The following BAG1 variants were observed in gnomAD, a reference collection of about 807,000 sequenced individuals.
BAG1 encodes the protein BAG cochaperone 1.
Under a neutral mutation model 35.5 loss-of-function variants are expected in BAG1, and 35 were observed. The observed-to-expected ratio is 0.99, with a 90% CI of 0.75 to 1.31. The LOEUF (loss-of-function observed/expected upper bound fraction) is 1.31, where lower values mean the gene tolerates loss of function less well. BAG1 is among the 50% of genes most tolerant of loss of function. The pLI is 0.00. For synonymous variants in BAG1, 191 were observed against 178.9 expected (o/e 1.07, Z -0.54); for missense variants, 464 against 453.6 (o/e 1.02, Z -0.21).
chr9:33,256,065 GAT>G lies in BAG1; in HGVS notation c.886-140_886-139del. The G allele has an allele frequency of 3.9e-6, 3 of 766,446 alleles. 1 individual carries two copies. In the South Asian group the frequency reaches 4.8e-5, roughly 12 times the overall value. The allele number at this position is 766,446 out of a possible 1,614,324, so 47.5% of individuals were successfully genotyped here. A position where few individuals can be genotyped will look rare whatever the true frequency, so the allele number is the denominator to read the frequency against. The stretch of plus-strand genomic sequence containing the variant: ...GGTCACAGGTCACCAATGTAAATGT[GAT>G]ATCCATTTTCAGGAACCCTTTCCCT... On this transcript the variant is annotated intron_variant, in intron 5 of 6. Coordinates refer to ENST00000634734, the MANE Select transcript of BAG1 (RefSeq NM_004323.6).
At chr9:33,259,133 G>A in intron 3 of BAG1, 100 bp from the exon 4 acceptor site, 1 of 867,086 alleles carries the variant, frequency 1.2e-6, no homozygotes, top group Admixed American at 2.1e-5. Flanking sequence ...GGCCGAGATG[G>A]GCAGATCATT....
rs1820424382 is a variant in BAG1, at chr9:33,255,141, T to C, written c.*78A>G. 1.9e-6 allele frequency: 3 copies of C among 1,613,584 alleles called. No homozygotes were observed. The highest frequency in any genetic ancestry group is 1.7e-6 in the Non-Finnish European group (2 of 1,179,822). On this transcript the variant is annotated 3_prime_UTR_variant, in exon 7 of 7. Transcript: ENST00000634734. The stretch of plus-strand genomic sequence containing the variant: ...GTTGCCCCCAGCAGCCCTGAAGAAA[T>C]CAGGTAAATTCCGCTCCAGAGACGG...
At chr9:33,264,097 T>C (rs1403658347) in intron 1 of BAG1, 127 bp downstream of exon 1, 3 of 1,135,904 alleles carry the variant, frequency 2.6e-6, no homozygotes, top group Non-Finnish European at 3.7e-6. Context: ...ACACAACCAA[T>C]AACCCACGCT....
Position 33,262,818 on chromosome 9 carries a change from T to A in BAG1, c.464A>T (p.His155Leu), listed in dbSNP as rs1587791813. 6.2e-7 allele frequency: 1 copy of A among 1,612,890 alleles called. No homozygotes were observed. The highest frequency in any genetic ancestry group is 1.3e-5 in the African/African-American group (1 of 74,914). Residue 155 changes from histidine to leucine, a missense_variant, in exon 2 of 7, where the codon CAC (histidine) becomes CTC (leucine). By Grantham distance (99) the His-to-Leu change is moderately conservative. Coordinates refer to ENST00000634734, the MANE Select transcript of BAG1 (RefSeq NM_004323.6). ...CTGCTGGGAGGTAACATGAAGGTCG[T>A]GCTTCTCATTGCCTGGGGAGAAAGA...
chr9:33,263,252 C>T (rs1820616901), intron 1 of BAG1, among the ~76,000 whole-genome samples: 1 of 152,174 alleles, frequency 6.6e-6, no homozygotes, highest in Admixed American at 6.5e-5. Context: ...TCATCACAAG[C>T]CATCTGCTTC....
chr9:33,264,506 C>T lies in BAG1; in HGVS notation c.169G>A (p.Asp57Asn). 6.2e-7 allele frequency: 1 copy of T among 1,604,156 alleles called. No homozygotes were observed. Among genetic ancestry groups the T allele is most frequent in the Middle Eastern group, 1.7e-4 (1 of 5,796 alleles). Residue 57 changes from aspartate to asparagine, a missense_variant, in exon 1 of 7, where the codon GAC (aspartate) becomes AAC (asparagine). Physicochemically the swap from Asp to Asn is conservative, Grantham distance 23. Coordinates refer to ENST00000634734, the MANE Select transcript of BAG1 (RefSeq NM_004323.6). ...GCGGCGGCGCCCCTGGTGGGTCGGT[C>T]ATGCCCGCTGGCAGTACTCCGGGCA...
At chr9:33,262,303 T>C (rs1415651653) in intron 2 of BAG1, 1 of 1,247,672 alleles carries the variant, frequency 8.0e-7, no homozygotes, top group Admixed American at 2.7e-5. Context: ...GAGTGACTAT[T>C]AGGAAAAGTT....
At chr9:33,260,517 T>A (rs951927213) in intron 3 of BAG1, 8 of 152,244 alleles carry the variant, frequency 5.3e-5, no homozygotes, top group African/African-American at 1.9e-4. Flanking sequence ...GGGAACTTCA[T>A]ATGCTCATAA....
Position 33,256,884 on chromosome 9 carries a change from C to G in BAG1, c.802G>C (p.Ala268Pro). 6.2e-7 allele frequency: 1 copy of G among 1,614,184 alleles called. No individual in the cohort carries two copies. The highest frequency in any genetic ancestry group is 1.1e-5 in the South Asian group (1 of 91,074). Residue 268 changes from alanine to proline, a missense_variant, in exon 5 of 7, where the codon GCT becomes CCT. Coordinates refer to ENST00000634734, the MANE Select transcript of BAG1 (RefSeq NM_004323.6). The stretch of plus-strand genomic sequence containing the variant: ...CTATCAAGTTTGCAGAGAGCTTCAG[C>G]TTGCAAATCCTTGGGCAGAAAACCC...
chr9:33,261,092 T>A lies in BAG1; in HGVS notation c.658A>T (p.Lys220Ter). Residue 220 changes from lysine (K) to a stop codon, truncating the protein, a stop_gained, in exon 3 of 7, where the codon AAA (lysine) becomes TAA (stop). Coordinates refer to ENST00000634734, the MANE Select transcript of BAG1 (RefSeq NM_004323.6). LOFTEE classifies it high-confidence loss of function. ...TGATGGAAAAAGCAATTTACCTTTT[T>A]CCCAATTAACATGACCCGGCAACCA... is the stretch of plus-strand genomic sequence containing the variant. The A allele has an allele frequency of 6.2e-7, 1 of 1,604,870 alleles. No individual in the cohort carries two copies. Among genetic ancestry groups the A allele is most frequent in the South Asian group, 1.1e-5 (1 of 89,280 alleles).
chr9:33,264,510 C>A lies in BAG1; in HGVS notation c.165G>T (p.Gly55=). 6.2e-7 allele frequency: 1 copy of A among 1,601,292 alleles called. No individual in the cohort carries two copies. Among genetic ancestry groups the A allele is most frequent in the Non-Finnish European group, 8.5e-7 (1 of 1,175,556 alleles). ...CGGCGCCCCTGGTGGGTCGGTCATG[C>A]CCGCTGGCAGTACTCCGGGCAGGTG... The change falls in exon 1 of 7, where the codon GGG becomes GGT. Residue 55 remains glycine, a synonymous_variant. Coordinates refer to ENST00000634734, the MANE Select transcript of BAG1 (RefSeq NM_004323.6).
chr9:33,262,976 C>T (rs895919161), intron 1 of BAG1, 146 bp from the exon 2 acceptor site: 16 of 1,139,586 alleles, frequency 1.4e-5, no homozygotes, highest in Non-Finnish European at 1.9e-5. Context: ...TGCCACCCAG[C>T]TTTCCTCTGG....
chr9:33,264,271 G>C lies in BAG1; in HGVS notation c.404C>G (p.Thr135Ser). 1.2e-6 allele frequency: 2 copies of C among 1,613,478 alleles called. No homozygotes were observed. Among genetic ancestry groups the C allele is most frequent in the Non-Finnish European group, 1.7e-6 (2 of 1,179,878 alleles). ...CCCAGCTGCCGCCATTTCCTCCCTG[G>C]TCACCTCCTCGCTCCGGGTCGACTC... The change falls in exon 1 of 7, where the codon ACC (threonine) becomes AGC (serine). Residue 135 changes from threonine to serine, a missense_variant. Coordinates refer to ENST00000634734, the MANE Select transcript of BAG1 (RefSeq NM_004323.6).
intron 2 of BAG1, chr9:33,262,180 G>C (rs1030496493): frequency 7.8e-7 from 1 of 1,289,650 alleles, no homozygotes; most frequent in African/African-American, 1.5e-5. Context: ...CTTCAAATCT[G>C]ACACCTGTCC....
In BAG1 at chr9:33,264,466, G is replaced by A; in HGVS notation, c.209C>T (p.Pro70Leu). 1 of 1,612,932 alleles carries A rather than the reference G, an allele frequency of 6.2e-7. No individual in the cohort carries two copies. The highest frequency in any genetic ancestry group is 8.5e-7 in the Non-Finnish European group (1 of 1,179,690). The change falls in exon 1 of 7, where the codon CCG (proline) becomes CTG (leucine). Residue 70 changes from proline (P) to leucine (L), a missense_variant. By Grantham distance (98) the Pro-to-Leu change is moderately conservative (BLOSUM62 -3). Transcript: ENST00000634734. ...GCGCCGGGTTTTCTTCTTCATCCGC[G>A]GCCTGCGAGCGCCGGCGGCGGCGCC...
chr9:33,262,888 A>T (rs978545992), intron 1 of BAG1, 58 bp from the exon 2 acceptor site: 83 of 1,593,232 alleles, frequency 5.2e-5, no homozygotes, highest in Admixed American at 1.4e-4. Context: ...CCAATATAGG[A>T]TGACACTTTA....
chr9:33,263,420 A>G (rs1278762736), intron 1 of BAG1, among the ~76,000 whole-genome samples: 1 of 152,228 alleles, frequency 6.6e-6, no homozygotes, highest in Non-Finnish European at 1.5e-5. Context: ...CGAACAGCAG[A>G]GCCTTTCTTT....
rs1047941949 is a variant in BAG1 at position 33,264,554 on chromosome 9, G to C, written c.121C>G (p.Pro41Ala). The change falls in exon 1 of 7, where the codon CCG becomes GCG. Residue 41 changes from proline (P) to alanine (A), a missense_variant. By Grantham distance (27) the Pro-to-Ala change is conservative. Coordinates refer to ENST00000634734, the MANE Select transcript of BAG1 (RefSeq NM_004323.6). The stretch of plus-strand genomic sequence containing the variant: ...GCAGGTGGACGCCCAGAGGGAGGCG[G>C]ACCACGCTGGGCCGGGGGCTCCGAC... 2 of 1,498,902 alleles carry C rather than the reference G, an allele frequency of 1.3e-6. No individual in the cohort carries two copies. Among genetic ancestry groups the C allele is most frequent in the Non-Finnish European group, 1.8e-6 (2 of 1,130,476 alleles). The allele number at this position is 1,498,902 out of a possible 1,614,324, so 92.9% of individuals were successfully genotyped here. A position where few individuals can be genotyped will look rare whatever the true frequency, so the allele number is the denominator to read the frequency against.
chr9:33,257,979 T>C (rs1160697313), intron 4 of BAG1: 1 of 149,998 alleles, frequency 6.7e-6, no homozygotes, highest in Non-Finnish European at 1.5e-5. Context: ...ACAGTCAGCA[T>C]GTATTCTGTA....
Sources: allele counts gnomAD v4.1 joint callset (sites outside exome capture counted in the v4.1 genomes callset), GRCh38; gene constraint gnomAD v4.1.1; transcripts MANE v1.5; gene names NCBI Gene and HGNC (gene_info 2026-07-23, HGNC 2026-07-21).